ZNF185: variants seen among roughly 807,000 people sequenced by gnomAD.
ZNF185 encodes the protein zinc finger protein 185 with LIM domain.
In ZNF185, 56 loss-of-function variants were observed where a neutral mutation model predicts 58.6. The ratio of observed to expected loss-of-function variants is 0.95; its 90% CI spans 0.77 to 1.19. The LOEUF (loss-of-function observed/expected upper bound fraction) is 1.19, where lower values mean the gene tolerates loss of function less well. Ranked by LOEUF, ZNF185 falls within the 50% of genes most tolerant of loss-of-function variation. The probability of loss-of-function intolerance (pLI) is 0.00; values close to 1 mark genes in which losing one functional copy is unlikely to be tolerated. For synonymous variants in ZNF185, 230 were observed against 215.9 expected (o/e 1.07, Z -0.57); for missense variants, 627 against 573.5 (o/e 1.09, Z -0.95).
In ZNF185 at chrX:152,922,149, C is replaced by T. The variant is rs781851848; in HGVS notation, c.657-24C>T. On this transcript the variant is annotated intron_variant, in intron 9 of 22. Coordinates refer to ENST00000449285, the Ensembl canonical transcript of ZNF185. ...CTAGGGCAGCCAAGAAGACCACGAG[C>T]GCTGTTTCTCTTCTTGCTCAAAGGG... 3.7e-5 allele frequency: 43 copies of T among 1,177,836 alleles called. No homozygotes were observed. The African/African-American group carries it at 4.3e-4, about 12-fold the overall frequency.
intron 4 of ZNF185, 32 bp downstream of exon 5, chrX:152,917,201 T>A (rs1556866441): frequency 1.7e-6 from 2 of 1,211,566 alleles, no homozygotes; most frequent in South Asian, 3.5e-5. Flanking sequence ...CCGGCCTTCC[T>A]GTGCCCACTC....
intron 1 of ZNF185, 76 bp from the exon 3 acceptor site, chrX:152,914,634 T>G: frequency 2.6e-6 from 3 of 1,171,730 alleles, no homozygotes; most frequent in Non-Finnish European, 3.4e-6. Flanking sequence ...AGCAGCATAC[T>G]GGGAGAACTG....
rs782140304 is a variant in ZNF185, at chrX:152,948,761, G to A, written c.1409+3297G>A. On this transcript the variant is annotated intron_variant, in intron 16 of 22. Coordinates refer to ENST00000449285, the Ensembl canonical transcript of ZNF185. ...GATGGTCTTGGGGACCCCTGACACA[G>A]ATGGGCAGGATCAGAACTTTATGCC... Among the ~76,000 whole-genome samples, 143 of 112,564 alleles carry A rather than the reference G, an allele frequency of 1.3e-3. No individual in the cohort carries two copies. The South Asian group carries it at 0.017, about 13-fold the overall frequency.
At chrX:152,922,383 A>G in intron 10 of ZNF185, 127 bp downstream of exon 11, 1 of 647,673 alleles carries the variant, frequency 1.5e-6, no homozygotes, top group South Asian at 2.9e-5. Flanking sequence ...GTGCCCAGTG[A>G]CAAGACGGGA....
intron 14 of ZNF185, among the ~76,000 whole-genome samples, chrX:152,935,977 G>A (rs1212015006): frequency 8.9e-6 from 1 of 112,457 alleles, no homozygotes; most frequent in African/African-American, 3.2e-5. Context: ...CTGGGAAGGT[G>A]CACTGCTTCT....
intron 15 of ZNF185, among the ~76,000 whole-genome samples, chrX:152,938,665 T>G (rs1368505459): frequency 2.7e-5 from 3 of 111,151 alleles, no homozygotes; most frequent in African/African-American, 9.9e-5. Flanking sequence ...CCTCTTGTAC[T>G]GTGATATTGG....
At chrX:152,914,584 C>G (rs1203111301) in intron 1 of ZNF185, 61 bp downstream of exon 2, 1 of 1,143,973 alleles carries the variant, frequency 8.7e-7, no homozygotes, top group Non-Finnish European at 1.2e-6. Context: ...TCCAAGCCTG[C>G]CCCTACAGGC....
chrX:152,917,992 A>G, intron 5 of ZNF185, 73 bp from the exon 7 acceptor site: 1 of 1,162,216 alleles, frequency 8.6e-7, no homozygotes, highest in South Asian at 1.9e-5. Flanking sequence ...TCATGTGTCC[A>G]CTGGGCTGTG....
chrX:152,898,677 A>G, the ZNF185 span, among the ~76,000 whole-genome samples: 1 of 112,652 alleles, frequency 8.9e-6, no homozygotes, highest in Non-Finnish European at 1.9e-5. Flanking sequence ...GATCCCCTCA[A>G]TCGCCCTGGG....
At chrX:152,915,154 C>G in exon 3 of ZNF185, 1 of 1,210,021 alleles carries the variant, frequency 8.3e-7, no homozygotes. Flanking sequence ...GCCCTCAGGC[C>G]GGAGTCGCGC....
In ZNF185 at chrX:152,941,929, C is replaced by T. The variant is rs782178414; in HGVS notation, c.1212-3338C>T. Reference sequence around the variant, plus strand: ...GGTCCCGCGAGGGGCCGAACGGGGCCCCTGCGGCTTGAGCTTGTTTCGCAG... The same window carrying T: ...GGTCCCGCGAGGGGCCGAACGGGGCTCCTGCGGCTTGAGCTTGTTTCGCAG... On this transcript the variant is annotated intron_variant, in intron 15 of 22. Transcript: ENST00000449285. 13 of 1,026,086 alleles carry T rather than the reference C, an allele frequency of 1.3e-5. No individual in the cohort carries two copies. In the African/African-American group the frequency reaches 2.6e-4, roughly 21 times the overall value. 84.6% of individuals were successfully genotyped at this position (1,026,086 alleles called of 1,213,427 possible). A position where few individuals can be genotyped will look rare whatever the true frequency, so the allele number is the denominator to read the frequency against.
At chrX:152,902,206 G>A in the ZNF185 span, among the ~76,000 whole-genome samples, 1 of 112,970 alleles carries the variant, frequency 8.9e-6, no homozygotes, top group African/African-American at 3.2e-5. Context: ...AGGAGACATA[G>A]CCTCTGGGGC....
At chrX:152,938,948 AGAGC>A (rs1242004773) in intron 15 of ZNF185, among the ~76,000 whole-genome samples, 1 of 102,415 alleles carries the variant, frequency 9.8e-6, no homozygotes, top group Non-Finnish European at 2.1e-5. Flanking sequence ...CACGGTGGAG[AGAGC>A]TATAGATAAG....
At chrX:152,907,236 C>T in the ZNF185 span, among the ~76,000 whole-genome samples, 1 of 112,285 alleles carries the variant, frequency 8.9e-6, no homozygotes, top group African/African-American at 3.2e-5. Context: ...CTCCAGCGCA[C>T]GGGAATCTGC....
At chrX:152,973,021 C>T (rs932274788) in exon 23 of ZNF185, 19 of 111,603 alleles carry the variant, frequency 1.7e-4, no homozygotes, top group African/African-American at 5.5e-4. Flanking sequence ...GGGCATGTAC[C>T]CACACTAAAT....
chrX:152,919,971 G>A (rs1167439527), intron 7 of ZNF185, among the ~76,000 whole-genome samples: 1 of 113,173 alleles, frequency 8.8e-6, no homozygotes, highest in African/African-American at 3.2e-5. Context: ...CCACCTGCTA[G>A]GTGAGTGCTC....
intron 19 of ZNF185, 103 bp from the exon 22 acceptor site, chrX:152,967,064 T>C: frequency 1.3e-6 from 1 of 783,458 alleles, no homozygotes. Context: ...ACTGGCATCG[T>C]AGTTATGTCT....
intron 11 of ZNF185, among the ~76,000 whole-genome samples, chrX:152,925,280 T>G (rs1175607070): frequency 5.4e-5 from 6 of 111,457 alleles, no homozygotes; most frequent in East Asian, 2.8e-4. Flanking sequence ...CACTCTAGCC[T>G]GGGTGACAGA....
intron 14 of ZNF185, 76 bp downstream of exon 16, chrX:152,936,589 C>A: frequency 1.1e-6 from 1 of 931,813 alleles, no homozygotes; most frequent in Non-Finnish European, 1.5e-6. Context: ...TCAGCTGCAG[C>A]ACCCCAGGAT....
Sources: allele counts gnomAD v4.1 joint callset (sites outside exome capture counted in the v4.1 genomes callset), GRCh38; gene constraint gnomAD v4.1.1; transcripts MANE v1.5; gene names NCBI Gene and HGNC (gene_info 2026-07-23, HGNC 2026-07-21).